Variants in CEP63 observed in about 807,000 individuals in gnomAD.
The protein encoded by CEP63 is centrosomal protein of 63 kDa.
A neutral mutation model predicts 89.1 loss-of-function variants in CEP63; 84 were observed. That is an observed-to-expected ratio of 0.94 (90% CI 0.79 to 1.13). The LOEUF is 1.13. CEP63 is among the 50% of genes most tolerant of loss of function. The pLI is 0.00. For missense variants in CEP63, 838 were observed against 813.3 expected, an observed-to-expected ratio of 1.03 and a Z score of -0.37; for synonymous variants, 267 against 272.5, an observed-to-expected ratio of 0.98 and a Z score of 0.20.
chr3:134,771,258 C>T, the CEP63 span, among the ~76,000 whole-genome samples: 1 of 152,158 alleles, frequency 6.6e-6, no homozygotes, highest in East Asian at 1.9e-4. Context: ...CTAGCAAAAA[C>T]CATGGAATAC....
downstream of CEP63, among the ~76,000 whole-genome samples, chr3:134,577,431 CTTTTT>C (rs10662705): frequency 2.1e-3 from 178 of 86,322 alleles, 1 homozygote; most frequent in African/African-American, 7.0e-3. Context: ...TTCTAATCCA[CTTTTT>C]TTTTTTTTTT....
intron 6 of CEP63, among the ~76,000 whole-genome samples, chr3:134,538,198 GTTTTTTT>G (rs66539157): frequency 8.9e-6 from 1 of 112,614 alleles, no homozygotes; most frequent in Non-Finnish European, 1.8e-5. Context: ...AGAAGGGAGG[GTTTTTTT>G]TTTTTTTTTT....
chr3:134,527,360 A>C (rs2108914134), intron 3 of CEP63, among the ~76,000 whole-genome samples: 1 of 151,778 alleles, frequency 6.6e-6, no homozygotes, highest in Admixed American at 6.6e-5. Context: ...GCAGGGGAGG[A>C]TCTGTTATTC....
intron 6 of CEP63, among the ~76,000 whole-genome samples, chr3:134,540,245 A>G (rs1347119854): frequency 2.0e-5 from 3 of 152,194 alleles, no homozygotes; most frequent in African/African-American, 7.2e-5. Flanking sequence ...TTTAAATATG[A>G]CATGTCAACA....
chr3:134,707,739 CTTTTTTTT>C, the CEP63 span, among the ~76,000 whole-genome samples: 3 of 120,456 alleles, frequency 2.5e-5, no homozygotes, highest in African/African-American at 9.1e-5. Flanking sequence ...TGATTCTTTT[CTTTTTTTT>C]TTTTTTTTTG....
the CEP63 span, among the ~76,000 whole-genome samples, chr3:134,714,815 GTACA>G: frequency 2.6e-5 from 4 of 152,238 alleles, no homozygotes; most frequent in Non-Finnish European, 4.4e-5. Flanking sequence ...ATCAGCCACA[GTACA>G]TTGTCCACTT....
At chr3:134,583,277 T>A (rs1456247020) in intron 10 of CEP63, among the ~76,000 whole-genome samples, 2 of 152,224 alleles carry the variant, frequency 1.3e-5, no homozygotes, top group Non-Finnish European at 2.9e-5. Flanking sequence ...TGAATGGTAT[T>A]GCCTAAGTTT....
At chr3:134,701,167 A>C in the CEP63 span, among the ~76,000 whole-genome samples, 1 of 149,802 alleles carries the variant, frequency 6.7e-6, no homozygotes, top group Admixed American at 6.7e-5. Flanking sequence ...CATTATATAC[A>C]TACATACATA....
chr3:134,704,171 C>T, the CEP63 span, among the ~76,000 whole-genome samples: 1 of 152,240 alleles, frequency 6.6e-6, no homozygotes, highest in Non-Finnish European at 1.5e-5. Context: ...CCTGGTTTCA[C>T]ACCTTACAAA....
the CEP63 span, among the ~76,000 whole-genome samples, chr3:134,706,366 T>C: frequency 6.6e-6 from 1 of 152,210 alleles, no homozygotes; most frequent in African/African-American, 2.4e-5. Flanking sequence ...ATTTTACTTA[T>C]ACAGGTCTCA....
chr3:134,504,966 C>T (rs71331765), intron 2 of CEP63, among the ~76,000 whole-genome samples: 4 of 151,994 alleles, frequency 2.6e-5, no homozygotes, highest in African/African-American at 9.7e-5. Context: ...CTGTTTGGCT[C>T]TTTTTAATGA....
the CEP63 span, among the ~76,000 whole-genome samples, chr3:134,744,374 G>A: frequency 6.6e-6 from 1 of 152,176 alleles, no homozygotes; most frequent in Non-Finnish European, 1.5e-5. Context: ...ATTCTCAGAA[G>A]GATGTGGTTT....
the CEP63 span, among the ~76,000 whole-genome samples, chr3:134,624,732 C>A: frequency 6.6e-6 from 1 of 152,128 alleles, no homozygotes; most frequent in Non-Finnish European, 1.5e-5. Flanking sequence ...AGCTTAGGAG[C>A]AGAAATGCCA....
chr3:134,560,866 A>T (rs1957221576), intron 14 of CEP63, among the ~76,000 whole-genome samples: 2 of 152,242 alleles, frequency 1.3e-5, no homozygotes, highest in Admixed American at 1.3e-4. Flanking sequence ...TATTGACTGC[A>T]TATGGCATAT....
At position 134,502,517 on chromosome 3, in the gene CEP63, AG is replaced by A. The variant is rs1226374404; in HGVS notation, c.45-4590del. On this transcript the variant is annotated intron_variant, in intron 2 of 14. Transcript: ENST00000675561. ...TTTATAACTCGTTATTAATCTATCG[AG>A]GATTTCTCTTTCTCCCTGTTTCAAT... Among the ~76,000 whole-genome samples the A allele has an allele frequency of 2.0e-5, 3 of 152,176 alleles. No homozygotes were observed. In the East Asian group the frequency reaches 5.8e-4, roughly 29 times the overall value.
intron 6 of CEP63, among the ~76,000 whole-genome samples, chr3:134,540,365 T>C (rs1163475645): frequency 6.6e-6 from 1 of 152,252 alleles, no homozygotes; most frequent in African/African-American, 2.4e-5. Flanking sequence ...TTTTCACTTT[T>C]GTAAATAGTG....
chr3:134,547,604 G>GGTATTATTTATTTTTTTTT, intron 9 of CEP63, 132 bp downstream of exon 9: 1 of 179,016 alleles, frequency 5.6e-6, no homozygotes, highest in Non-Finnish European at 9.2e-6. Context: ...AATGGCCTAA[G>GGTATTATTTATTTTTTTTT]TTCTTATTTC....
intron 1 of CEP63, among the ~76,000 whole-genome samples, chr3:134,489,110 G>A (rs1258879075): frequency 1.4e-5 from 2 of 147,972 alleles, no homozygotes; most frequent in African/African-American, 5.0e-5. Context: ...GCAGTGAGCC[G>A]AGATCACGCC....
At chr3:134,573,997 T>C (rs1282251257) in intron 11 of CEP63, among the ~76,000 whole-genome samples, 1 of 152,150 alleles carries the variant, frequency 6.6e-6, no homozygotes, top group Admixed American at 6.5e-5. Context: ...AGACCAGGTT[T>C]GAACAAGCAC....
Sources: gnomAD v4.1 joint callset for allele counts (sites outside exome capture counted in the v4.1 genomes callset) on GRCh38, gnomAD v4.1.1 for gene constraint, MANE v1.5 for transcripts, NCBI Gene and HGNC (gene_info 2026-07-23, HGNC 2026-07-21) for gene names.